Variants in KCNK13 observed in about 807,000 individuals in gnomAD.
The protein encoded by KCNK13 is potassium channel subfamily K member 13.
KCNK13 carries 12 observed loss-of-function variants against 23.4 expected under a neutral mutation model. The observed-to-expected ratio is 0.51, with a 90% confidence interval of 0.33 to 0.83. The LOEUF is 0.83. Among genes scored for constraint, KCNK13 ranks in the 40% least tolerant of loss-of-function variants. KCNK13 has a pLI of 0.02. For missense variants in KCNK13, 463 were observed against 556.3 expected, an observed-to-expected ratio of 0.83 and a Z score of 1.69; for synonymous variants, 231 against 229.5, an observed-to-expected ratio of 1.01 and a Z score of -0.06.
chr14:90,091,649 G>A (rs1191408410), intron 1 of KCNK13, among the ~76,000 whole-genome samples: 2 of 151,820 alleles, frequency 1.3e-5, no homozygotes. Flanking sequence ...TTATTTATGA[G>A]TTCCATGCAG....
chr14:90,085,795 T>A (rs61996865), intron 1 of KCNK13, among the ~76,000 whole-genome samples: 2 of 121,160 alleles, frequency 1.7e-5, no homozygotes, highest in Non-Finnish European at 3.3e-5. Context: ...ATTATATACT[T>A]TATATTATAT....
At chr14:90,166,184 G>A (rs530591236) in intron 1 of KCNK13, among the ~76,000 whole-genome samples, 4 of 152,312 alleles carry the variant, frequency 2.6e-5, no homozygotes, top group African/African-American at 9.6e-5. Flanking sequence ...TTTTGTCAGA[G>A]ATGCTTTACT....
At chr14:90,071,625 A>T (rs1247645547) in intron 1 of KCNK13, among the ~76,000 whole-genome samples, 1 of 152,202 alleles carries the variant, frequency 6.6e-6, no homozygotes, top group Non-Finnish European at 1.5e-5. Context: ...AGCAAGCAAC[A>T]ATCTTTTCCC....
intron 1 of KCNK13, among the ~76,000 whole-genome samples, chr14:90,125,437 A>T (rs2140419346): frequency 6.6e-6 from 1 of 151,984 alleles, no homozygotes; most frequent in South Asian, 2.1e-4. Context: ...GTTAGCCAGG[A>T]TGGTCTCAAT....
chr14:90,132,372 C>T (rs953776209), intron 1 of KCNK13, among the ~76,000 whole-genome samples: 5 of 151,998 alleles, frequency 3.3e-5, no homozygotes, highest in African/African-American at 7.3e-5. Context: ...GGCGAAACCC[C>T]GTCTCTACTA....
chr14:90,142,745 G>A (rs1196525198), intron 1 of KCNK13, among the ~76,000 whole-genome samples: 1 of 152,210 alleles, frequency 6.6e-6, no homozygotes, highest in Non-Finnish European at 1.5e-5. Flanking sequence ...AGTTGGTCCT[G>A]TAAATTAAGC....
At chr14:90,130,989 G>A (rs1044814550) in intron 1 of KCNK13, among the ~76,000 whole-genome samples, 16 of 152,044 alleles carry the variant, frequency 1.1e-4, no homozygotes, top group African/African-American at 3.4e-4. Flanking sequence ...GAGGGCACAA[G>A]GTGCTTGGTC....
chr14:90,087,154 A>ATATATATATATTTT (rs1282261147), intron 1 of KCNK13, among the ~76,000 whole-genome samples: 2 of 107,650 alleles, frequency 1.9e-5, no homozygotes, highest in African/African-American at 7.6e-5. Flanking sequence ...ATATATATAT[A>ATATATATATATTTT]TTTTTTTTTT....
chr14:90,081,461 A>T (rs1392232719), intron 1 of KCNK13, among the ~76,000 whole-genome samples: 1 of 152,220 alleles, frequency 6.6e-6, no homozygotes, highest in Non-Finnish European at 1.5e-5. Context: ...ATCCACAAAC[A>T]TGTAAGCCCA....
At chr14:90,101,810 A>AAAAAAC (rs1465117776) in intron 1 of KCNK13, among the ~76,000 whole-genome samples, 1 of 149,318 alleles carries the variant, frequency 6.7e-6, no homozygotes, top group African/African-American at 2.5e-5. Flanking sequence ...AAAAAAAAAA[A>AAAAAAC]AACCTCACAA....
At chr14:90,157,887 G>A (rs187239679) in intron 1 of KCNK13, among the ~76,000 whole-genome samples, 95 of 149,702 alleles carry the variant, frequency 6.3e-4, no homozygotes, top group Middle Eastern at 7.1e-3. Context: ...TTTTAGTAGA[G>A]ATGGGGTTTT....
chr14:90,107,066 T>C (rs1889552553), intron 1 of KCNK13, among the ~76,000 whole-genome samples: 1 of 152,130 alleles, frequency 6.6e-6, no homozygotes, highest in South Asian at 2.1e-4. Flanking sequence ...AGTCTGACTA[T>C]AATGAAGCGC....
intron 1 of KCNK13, among the ~76,000 whole-genome samples, chr14:90,180,414 A>G (rs538124992): frequency 6.6e-6 from 1 of 152,308 alleles, no homozygotes; most frequent in Admixed American, 6.5e-5. Context: ...AAAAGCCTGC[A>G]TTATTAGCTT....
chr14:90,062,366 A>T lies in KCNK13; in HGVS notation c.161A>T (p.Glu54Val), dbSNP rs2140383711. The T allele has an allele frequency of 2.6e-6, 4 of 1,555,958 alleles. No individual in the cohort carries two copies. In the South Asian group the frequency reaches 4.7e-5, roughly 18 times the overall value. Reference sequence around the variant, plus strand: ...GAGCGCCAGGCCAAGCAGCGCTGGGAGGAGCGCCTGGCCAACTTCAGCCGC... The same window carrying T: ...GAGCGCCAGGCCAAGCAGCGCTGGGTGGAGCGCCTGGCCAACTTCAGCCGC... The part of the protein sequence containing the change: ...AHERQAKQRW[E>V]ERLANFSRGH... Residue 54 changes from glutamate (E) to valine (V), a missense_variant, in exon 1 of 2, where the codon GAG (glutamate) becomes GTG (valine). This residue lies in a region of KCNK13 where 153 missense variants were observed against 153.6 expected (regional missense o/e 1.00). Transcript: ENST00000282146. The surrounding 1 kb of genome is among the most constrained non-coding windows in gnomAD (Gnocchi z 4.5).
intron 1 of KCNK13, among the ~76,000 whole-genome samples, chr14:90,119,420 C>T (rs1206175276): frequency 1.3e-5 from 2 of 152,162 alleles, no homozygotes; most frequent in Non-Finnish European, 2.9e-5. Context: ...CTGAATCCAG[C>T]AGCACATCAA....
At chr14:90,166,048 T>G (rs1052732505) in intron 1 of KCNK13, among the ~76,000 whole-genome samples, 1 of 152,244 alleles carries the variant, frequency 6.6e-6, no homozygotes, top group Non-Finnish European at 1.5e-5. Context: ...GTTTTCAGCT[T>G]ATACAGTTAG....
chr14:90,069,978 A>C (rs1293547413), intron 1 of KCNK13, among the ~76,000 whole-genome samples: 1 of 152,238 alleles, frequency 6.6e-6, no homozygotes, highest in Non-Finnish European at 1.5e-5. Flanking sequence ...AGACTGGGAA[A>C]GTATAAAAAA....
chr14:90,069,744 A>C (rs1278934660), intron 1 of KCNK13, among the ~76,000 whole-genome samples: 1 of 152,236 alleles, frequency 6.6e-6, no homozygotes. Context: ...TCAAGATTTA[A>C]ATCATACATT....
intron 1 of KCNK13, chr14:90,107,637 A>T (rs1318211479): frequency 1.6e-6 from 1 of 627,422 alleles, no homozygotes; most frequent in Admixed American, 2.4e-5. Context: ...AATACCTACA[A>T]CTGAGGATTC....
Sources: gnomAD v4.1 joint callset for allele counts (sites outside exome capture counted in the v4.1 genomes callset) on GRCh38, gnomAD v4.1.1 for gene constraint, gnomAD v4.1.1 regional missense constraint, Gnocchi (gnomAD v3.1) non-coding constraint, MANE v1.5 for transcripts, NCBI Gene and HGNC (gene_info 2026-07-23, HGNC 2026-07-21) for gene names.